The following RXRA variants were observed in gnomAD, a reference collection of about 807,000 sequenced individuals.
RXRA encodes the protein retinoid X receptor alpha.
In RXRA, 5 loss-of-function variants were observed where a neutral mutation model predicts 44.5. The ratio of observed to expected loss-of-function variants is 0.11; its 90% CI spans 0.06 to 0.24. RXRA has a LOEUF of 0.24. Among genes scored for constraint, RXRA ranks in the 10% least tolerant of loss-of-function variants. The probability of loss-of-function intolerance (pLI) is 1.00; values close to 1 mark genes in which losing one functional copy is unlikely to be tolerated. For synonymous variants in RXRA, 291 were observed against 271.4 expected (o/e 1.07, Z -0.71); for missense variants, 412 against 646.5 (o/e 0.64, Z 3.93).
intron 7 of RXRA, 23 bp from the exon 8 acceptor site, chr9:134,431,882 G>A (rs201518616): frequency 2.5e-6 from 4 of 1,586,094 alleles, no homozygotes; most frequent in South Asian, 1.1e-5. Context: ...CTGGGATGGG[G>A]TGTCTGCCCT....
chr9:134,425,078 A>G (rs1831410488), intron 6 of RXRA: 3 of 985,316 alleles, frequency 3.0e-6, no homozygotes, highest in South Asian at 9.4e-5. Flanking sequence ...ATGCAGGTTC[A>G]AGGCCCAAGG....
rs550454308 is a variant in RXRA at position 134,379,870 on chromosome 9, C to T, written c.29-21762C>T. ...CAGTGGCCCTGGGATCTGGCCTTGG[C>T]GGCTCCAGCCCCCTCTCCAGTATGG... is the stretch of plus-strand genomic sequence containing the variant. On this transcript the variant is annotated intron_variant, in intron 1 of 9. Coordinates refer to ENST00000481739, the MANE Select transcript of RXRA (RefSeq NM_002957.6). 882 of 985,288 alleles carry T rather than the reference C, an allele frequency of 9.0e-4. 6 individuals are homozygous for T. The African/African-American group carries it at 0.014, about 16-fold the overall frequency. The allele number at this position is 985,288 out of a possible 1,614,324, so 61.0% of individuals were successfully genotyped here. A position where few individuals can be genotyped will look rare whatever the true frequency, so the allele number is the denominator to read the frequency against.
chr9:134,427,583 C>T (rs1280246350), intron 6 of RXRA, among the ~76,000 whole-genome samples: 8 of 152,170 alleles, frequency 5.3e-5, no homozygotes, highest in South Asian at 2.1e-4. Flanking sequence ...CTGGGCGGGG[C>T]GGCCTCGGGG....
chr9:134,418,888 C>G (rs188879024), intron 5 of RXRA, among the ~76,000 whole-genome samples: 104 of 152,370 alleles, frequency 6.8e-4, no homozygotes, highest in Admixed American at 3.5e-3. Context: ...GGCATCCCCA[C>G]TGCCTCTGCC....
chr9:134,346,389 G>A (rs1165535712), intron 1 of RXRA, among the ~76,000 whole-genome samples: 1 of 152,112 alleles, frequency 6.6e-6, no homozygotes, highest in Non-Finnish European at 1.5e-5. Flanking sequence ...GGTCTCCCTC[G>A]GCTGTCGGCT....
intron 1 of RXRA, among the ~76,000 whole-genome samples, chr9:134,364,245 C>T (rs773084921): frequency 1.3e-5 from 2 of 152,202 alleles, no homozygotes; most frequent in East Asian, 1.9e-4. Context: ...GTGCAAAAGC[C>T]GTGCGGTGGG....
chr9:134,424,269 C>T (rs1019361249), intron 6 of RXRA: 7 of 985,386 alleles, frequency 7.1e-6, no homozygotes, highest in Non-Finnish European at 8.4e-6. Context: ...GCCATGAGTC[C>T]CCAGGCCCTT....
At chr9:134,389,595 A>C (rs967870580) in intron 1 of RXRA, among the ~76,000 whole-genome samples, 1 of 152,160 alleles carries the variant, frequency 6.6e-6, no homozygotes, top group African/African-American at 2.4e-5. Context: ...ATGGTGACAG[A>C]GTGGACATTC....
At chr9:134,375,126 T>TA (rs1338024480) in intron 1 of RXRA, among the ~76,000 whole-genome samples, 4 of 152,056 alleles carry the variant, frequency 2.6e-5, no homozygotes, top group Non-Finnish European at 5.9e-5. Context: ...AGGTGTTATA[T>TA]AAAACGGAGC....
chr9:134,332,845 G>A (rs62576298), intron 1 of RXRA, among the ~76,000 whole-genome samples: 58,428 of 152,040 alleles, frequency 0.38, 12,710 homozygotes, highest in African/African-American at 0.59. Context: ...TGGGGCCCCT[G>A]TGAATGGCCT....
chr9:134,331,841 G>C (rs1321753601), intron 1 of RXRA, among the ~76,000 whole-genome samples: 1 of 152,242 alleles, frequency 6.6e-6, no homozygotes, highest in African/African-American at 2.4e-5. Context: ...CCTGTCCCCA[G>C]GGTGGGGGCT....
intron 6 of RXRA, among the ~76,000 whole-genome samples, chr9:134,428,309 T>A (rs1475492275): frequency 2.1e-5 from 3 of 141,354 alleles, no homozygotes; most frequent in South Asian, 4.6e-4. Flanking sequence ...TGCTGTTACC[T>A]AACTGTCCCC....
rs1384009903 is a variant in RXRA at position 134,326,469 on chromosome 9, G to C, written c.-163G>C. 7.0e-6 allele frequency: 1 copy of C among 142,012 alleles called. No homozygotes were observed. Among genetic ancestry groups the C allele is most frequent in the African/African-American group, 2.5e-5 (1 of 39,612 alleles). The allele number at this position is 142,012 out of a possible 1,614,324, so 8.8% of individuals were successfully genotyped here. A position where few individuals can be genotyped will look rare whatever the true frequency, so the allele number is the denominator to read the frequency against. On this transcript the variant is annotated 5_prime_UTR_variant, in exon 1 of 10. Coordinates refer to ENST00000481739, the MANE Select transcript of RXRA (RefSeq NM_002957.6). Reference sequence around the variant, plus strand: ...CAGACACAAGTAGTTTACATTGTTGGGCGACTTTTGCAACAACTCGCCGCG... The same window carrying C: ...CAGACACAAGTAGTTTACATTGTTGCGCGACTTTTGCAACAACTCGCCGCG...
rs776683950 is a variant in RXRA at position 134,421,747 on chromosome 9, G to A, written c.852G>A (p.Lys284=). Residue 284 remains lysine (K), a synonymous_variant, in exon 6 of 10, where the codon AAG becomes AAA. Transcript: ENST00000481739. ...KQLFTLVEWA[K]RIPHFSELPL... is the part of the protein sequence containing the mutation. Reference sequence around the variant, plus strand: ...TTTTCACCCTGGTGGAGTGGGCCAAGCGGATCCCACACTTCTCAGAGCTGC... The same window carrying A: ...TTTTCACCCTGGTGGAGTGGGCCAAACGGATCCCACACTTCTCAGAGCTGC... The A allele has an allele frequency of 4.4e-6, 7 of 1,601,758 alleles. No individual in the cohort carries two copies. The South Asian group carries it at 5.5e-5, about 13-fold the overall frequency.
chr9:134,329,793 G>T (rs890975594), intron 1 of RXRA, among the ~76,000 whole-genome samples: 2 of 152,114 alleles, frequency 1.3e-5, no homozygotes, highest in African/African-American at 4.8e-5. Flanking sequence ...CATCTCCCCC[G>T]TGGCTGTGTG....
In RXRA at chr9:134,434,095, C is replaced by G; in HGVS notation, c.1136-7C>G. 6.2e-7 allele frequency: 1 copy of G among 1,611,714 alleles called. No individual in the cohort carries two copies. The highest frequency in any genetic ancestry group is 1.3e-5 in the African/African-American group (1 of 74,988). On this transcript the variant is annotated splice_polypyrimidine_tract_variant and splice_region_variant and intron_variant, in intron 8 of 9. Coordinates refer to ENST00000481739, the MANE Select transcript of RXRA (RefSeq NM_002957.6). Reference sequence around the variant, plus strand: ...GAGGGTTCTGACCTGTGGCTTCTTCCTTTCAGACTCCAAGGGGCTCTCGAA... The same window carrying G: ...GAGGGTTCTGACCTGTGGCTTCTTCGTTTCAGACTCCAAGGGGCTCTCGAA...
chr9:134,407,013 T>A lies in RXRA; in HGVS notation c.280-1136T>A, dbSNP rs1831062202. Among the ~76,000 whole-genome samples the A allele has an allele frequency of 6.6e-6, 1 of 152,192 alleles. No individual in the cohort carries two copies. Among genetic ancestry groups the A allele is most frequent in the Non-Finnish European group, 1.5e-5 (1 of 68,030 alleles). ...ATGGCACCCCCACTGTGCTGAGTTG[T>A]CACGGGGGACCTCCTGGCCTCTCGC... On this transcript the variant is annotated intron_variant, in intron 2 of 9. Transcript: ENST00000481739. The surrounding 1 kb of genome is among the most constrained non-coding windows in gnomAD (Gnocchi z 4.8).
At chr9:134,421,937 C>T in intron 6 of RXRA, 132 bp downstream of exon 6, 2 of 1,519,114 alleles carry the variant, frequency 1.3e-6, no homozygotes, top group African/African-American at 1.4e-5. Flanking sequence ...CCTCCCAGGA[C>T]CCACTCCTAC....
intron 1 of RXRA, among the ~76,000 whole-genome samples, chr9:134,339,541 G>T (rs1242703188): frequency 6.6e-6 from 1 of 151,402 alleles, no homozygotes; most frequent in Non-Finnish European, 1.5e-5. Flanking sequence ...GTGAGCCCGT[G>T]TGTGTGTGAG....
Sources: gnomAD v4.1 joint callset for allele counts (sites outside exome capture counted in the v4.1 genomes callset) on GRCh38, gnomAD v4.1.1 for gene constraint, Gnocchi (gnomAD v3.1) non-coding constraint, MANE v1.5 for transcripts, NCBI Gene and HGNC (gene_info 2026-07-23, HGNC 2026-07-21) for gene names.